The following FBXO11 variants were observed in gnomAD, a reference collection of about 807,000 sequenced individuals.
FBXO11 encodes the protein F-box only protein 11.
A neutral mutation model predicts 117.0 loss-of-function variants in FBXO11; 13 were observed. The ratio of observed to expected loss-of-function variants is 0.11; its 90% CI spans 0.07 to 0.18. The LOEUF (loss-of-function observed/expected upper bound fraction) is 0.18, where lower values mean the gene tolerates loss of function less well. Ranked by LOEUF, FBXO11 falls within the 10% of genes least tolerant of loss-of-function variation. FBXO11 has a pLI of 1.00. For missense variants in FBXO11, 767 were observed against 1,164.4 expected, an observed-to-expected ratio of 0.66 and a Z score of 4.97; for synonymous variants, 490 against 380.5, an observed-to-expected ratio of 1.29 and a Z score of -3.35.
chr2:47,835,994 A>G lies in FBXO11; in HGVS notation c.595T>C (p.Leu199=). The change falls in exon 5 of 23, where the codon TTA becomes CTA. Residue 199 remains leucine, a synonymous_variant. Transcript: ENST00000403359. ...LANDPILWKR[L]YMEVFEYTRP... is the part of the protein sequence containing the mutation. ...GTATATTCAAATACTTCCATATATA[A>G]TCGTTTCCTGAACAGAGAAAGGAAT... 1 of 1,597,428 alleles carries G rather than the reference A, an allele frequency of 6.3e-7. No individual in the cohort carries two copies. The highest frequency in any genetic ancestry group is 1.1e-5 in the South Asian group (1 of 87,616).
At chr2:47,896,088 T>C (rs1001698233) in intron 1 of FBXO11, among the ~76,000 whole-genome samples, 2 of 152,220 alleles carry the variant, frequency 1.3e-5, no homozygotes, top group African/African-American at 4.8e-5. Flanking sequence ...CACAAATGAT[T>C]CATACATACT....
chr2:47,832,715 G>A (rs766104595), intron 9 of FBXO11, 37 bp from the exon 10 acceptor site: 23 of 1,607,436 alleles, frequency 1.4e-5, no homozygotes, highest in Non-Finnish European at 1.9e-5. Context: ...AAAACCTACT[G>A]GGCAACATAC....
intron 14 of FBXO11, among the ~76,000 whole-genome samples, chr2:47,819,400 G>A (rs1429227031): frequency 6.6e-6 from 1 of 152,072 alleles, no homozygotes; most frequent in Admixed American, 6.6e-5. Flanking sequence ...ATTTTTAGTA[G>A]AGATGGCGTT....
At chr2:47,832,316 G>A in intron 11 of FBXO11, 33 bp downstream of exon 11, 1 of 1,542,592 alleles carries the variant, frequency 6.5e-7, no homozygotes, top group Non-Finnish European at 8.8e-7. Flanking sequence ...TGATACAGAA[G>A]TCCGTTTTTC....
chr2:47,814,190 C>T (rs556176203), intron 16 of FBXO11: 20 of 235,860 alleles, frequency 8.5e-5, no homozygotes, highest in South Asian at 6.7e-4. Flanking sequence ...CTGCAGGTTC[C>T]GTTCCAGACC....
intron 1 of FBXO11, among the ~76,000 whole-genome samples, chr2:47,854,737 G>T (rs533385467): frequency 1.3e-5 from 2 of 152,216 alleles, no homozygotes; most frequent in South Asian, 4.1e-4. Context: ...AATTTGCAGT[G>T]CTAACACGTT....
intron 1 of FBXO11, among the ~76,000 whole-genome samples, chr2:47,862,500 ACTGGTCTTGAACT>A (rs1674854598): frequency 6.6e-6 from 1 of 152,134 alleles, no homozygotes; most frequent in Admixed American, 6.5e-5. Flanking sequence ...TGTTGCCCAG[ACTGGTCTTGAACT>A]CCTGGGCTCA....
intron 1 of FBXO11, among the ~76,000 whole-genome samples, chr2:47,902,997 TA>T (rs1678414849): frequency 6.6e-6 from 1 of 151,936 alleles, no homozygotes; most frequent in Non-Finnish European, 1.5e-5. Context: ...AAACCCAGCA[TA>T]TTCCTAAACT....
chr2:47,806,965 TTTTC>T lies in FBXO11; in HGVS notation c.*1149_*1152del. ...TTTTTTAAAAATGACCATTTTTCCATTTTCTTTCTAGGAAATTAAACCCTTTTAA... is the reference window on the plus strand; with the variant it reads ...TTTTTTAAAAATGACCATTTTTCCATTTTCTAGGAAATTAAACCCTTTTAA... On this transcript the variant is annotated 3_prime_UTR_variant, in exon 23 of 23. Transcript: ENST00000403359. 2.2e-6 allele frequency: 2 copies of T among 911,410 alleles called. No individual in the cohort carries two copies. Among genetic ancestry groups the T allele is most frequent in the South Asian group, 1.4e-5 (1 of 70,896 alleles). The allele number at this position is 911,410 out of a possible 1,614,324, so 56.5% of individuals were successfully genotyped here. A position where few individuals can be genotyped will look rare whatever the true frequency, so the allele number is the denominator to read the frequency against.
intron 1 of FBXO11, among the ~76,000 whole-genome samples, chr2:47,878,727 C>T (rs935756288): frequency 4.6e-5 from 7 of 151,290 alleles, no homozygotes; most frequent in African/African-American, 1.7e-4. Context: ...CCTGTAATCC[C>T]AGCATTTTGG....
At chr2:47,901,653 T>C (rs990198423) in intron 1 of FBXO11, among the ~76,000 whole-genome samples, 1 of 151,106 alleles carries the variant, frequency 6.6e-6, no homozygotes, top group Non-Finnish European at 1.5e-5. Context: ...CAGGCTGGAG[T>C]GCAGTGGTGC....
chr2:47,879,497 G>A (rs1341365831), intron 1 of FBXO11, among the ~76,000 whole-genome samples: 4 of 152,258 alleles, frequency 2.6e-5, no homozygotes, highest in Middle Eastern at 3.4e-3. Context: ...CTCTTACTGT[G>A]AATGAGGTAC....
chr2:47,877,159 A>G (rs566112284), intron 1 of FBXO11, among the ~76,000 whole-genome samples: 1 of 151,760 alleles, frequency 6.6e-6, no homozygotes, highest in South Asian at 2.1e-4. Flanking sequence ...CCTCAGTAGC[A>G]TGGGACCACA....
At chr2:47,849,906 C>A (rs974964440) in intron 1 of FBXO11, among the ~76,000 whole-genome samples, 2 of 151,998 alleles carry the variant, frequency 1.3e-5, no homozygotes, top group African/African-American at 4.8e-5. Context: ...ATAATTTAGA[C>A]CTTATCTTAA....
chr2:47,809,053 GTTATAGTC>G, intron 21 of FBXO11, 97 bp downstream of exon 21: 1 of 656,860 alleles, frequency 1.5e-6, no homozygotes, highest in East Asian at 2.8e-5. Context: ...TTTTCAGTTA[GTTATAGTC>G]TCAACACCGG....
At chr2:47,877,414 T>C (rs561204206) in intron 1 of FBXO11, among the ~76,000 whole-genome samples, 4 of 152,346 alleles carry the variant, frequency 2.6e-5, no homozygotes, top group East Asian at 1.9e-4. Context: ...TGTTTCATGA[T>C]TCCCATTTTT....
At chr2:47,899,510 T>G (rs1677936900) in intron 1 of FBXO11, among the ~76,000 whole-genome samples, 1 of 152,192 alleles carries the variant, frequency 6.6e-6, no homozygotes, top group South Asian at 2.1e-4. Flanking sequence ...TGATTCCCAC[T>G]TGAAAGATCA....
At chr2:47,823,082 T>A in intron 12 of FBXO11, 61 bp downstream of exon 12, 1 of 1,242,322 alleles carries the variant, frequency 8.0e-7, no homozygotes, top group Non-Finnish European at 1.1e-6. Context: ...CTCAATATCT[T>A]GACTTTTAAG....
intron 1 of FBXO11, among the ~76,000 whole-genome samples, chr2:47,869,080 G>A (rs1289519863): frequency 1.3e-5 from 2 of 152,182 alleles, no homozygotes; most frequent in African/African-American, 4.8e-5. Flanking sequence ...ACAGGAGACT[G>A]TGTGTTCTGA....
Sources: allele counts gnomAD v4.1 joint callset (sites outside exome capture counted in the v4.1 genomes callset), GRCh38; gene constraint gnomAD v4.1.1; transcripts MANE v1.5; gene names NCBI Gene and HGNC (gene_info 2026-07-23, HGNC 2026-07-21).